SWAP70: variants seen among roughly 807,000 people sequenced by gnomAD.
SWAP70 encodes the protein switching B cell complex subunit SWAP70, also known as switch-associated protein 70.
Under a neutral mutation model 80.2 loss-of-function variants are expected in SWAP70, and 34 were observed. The ratio of observed to expected loss-of-function variants is 0.42; its 90% CI spans 0.32 to 0.56. SWAP70 has a LOEUF of 0.56. SWAP70 is among the 20% of genes least tolerant of loss of function. SWAP70 has a pLI of 0.09. For missense variants in SWAP70, 578 were observed against 690.7 expected, an observed-to-expected ratio of 0.84 and a Z score of 1.83; for synonymous variants, 239 against 238.5, an observed-to-expected ratio of 1.00 and a Z score of -0.02.
chr11:9,742,050 G>C (rs1039244968), intron 9 of SWAP70: 1 of 151,252 alleles, frequency 6.6e-6, no homozygotes, highest in Admixed American at 6.6e-5. Flanking sequence ...CTACAGCCTG[G>C]GGGACAGAAT....
At chr11:9,711,294 C>T (rs887288462) in intron 2 of SWAP70, among the ~76,000 whole-genome samples, 1 of 152,228 alleles carries the variant, frequency 6.6e-6, no homozygotes, top group Admixed American at 6.5e-5. Flanking sequence ...AAAGTCCTAA[C>T]TCCTTAACAT....
intron 3 of SWAP70, chr11:9,720,291 C>G: frequency 6.1e-6 from 6 of 985,328 alleles, no homozygotes; most frequent in Non-Finnish European, 7.2e-6. Flanking sequence ...CTGAGCAGAT[C>G]GAAGCTGGGT....
chr11:9,676,270 A>G (rs569752686), intron 1 of SWAP70, among the ~76,000 whole-genome samples: 230 of 152,346 alleles, frequency 1.5e-3, no homozygotes, highest in African/African-American at 5.3e-3. Context: ...GGTTTTCTTT[A>G]TAGGAAGGTG....
intron 2 of SWAP70, among the ~76,000 whole-genome samples, chr11:9,710,361 C>G (rs1850978917): frequency 6.6e-6 from 1 of 152,110 alleles, no homozygotes. Flanking sequence ...CTGCTGCTTT[C>G]CCTCCATGGG....
chr11:9,685,627 G>C (rs573277475), intron 1 of SWAP70, among the ~76,000 whole-genome samples: 2 of 151,836 alleles, frequency 1.3e-5, no homozygotes, highest in Non-Finnish European at 2.9e-5. Context: ...CCACCTAAAG[G>C]CCTCACCTCT....
In SWAP70 at chr11:9,708,242, A is replaced by T. The variant is rs112642350; in HGVS notation, c.241-5224A>T. 1.7e-3 allele frequency among the ~76,000 whole-genome samples: 260 copies of T among 152,310 alleles called. 3 individuals are homozygous for T. The highest frequency in any genetic ancestry group is 0.01 in the Middle Eastern group (3 of 294). On this transcript the variant is annotated intron_variant, in intron 2 of 11. Transcript: ENST00000318950. ...CACTGTTTTCCATAGCAGCTGCACC[A>T]TTTTACAATCCCACCAACAGTGTGC...
At chr11:9,720,627 C>T in intron 3 of SWAP70, 1 of 361,802 alleles carries the variant, frequency 2.8e-6, no homozygotes. Flanking sequence ...GCTACTAAAA[C>T]TTCGACTTGT....
intron 8 of SWAP70, among the ~76,000 whole-genome samples, chr11:9,739,260 G>T (rs897298506): frequency 6.6e-6 from 1 of 152,238 alleles, no homozygotes; most frequent in Non-Finnish European, 1.5e-5. Flanking sequence ...GTCAGAGAGT[G>T]CTAAGCCCAG....
At chr11:9,705,078 C>G (rs1336947364) in intron 2 of SWAP70, among the ~76,000 whole-genome samples, 1 of 131,968 alleles carries the variant, frequency 7.6e-6, no homozygotes, top group Non-Finnish European at 1.5e-5. Flanking sequence ...CACTGGTGAT[C>G]TGTATGCACT....
chr11:9,683,617 G>A (rs1850595191), intron 1 of SWAP70, among the ~76,000 whole-genome samples: 1 of 152,102 alleles, frequency 6.6e-6, no homozygotes, highest in African/African-American at 2.4e-5. Context: ...GTTACCTGTG[G>A]GGTGGGAGAG....
intron 3 of SWAP70, among the ~76,000 whole-genome samples, chr11:9,718,383 GCTGAATTACCCTC>G (rs57282172): frequency 0.33 from 49,520 of 151,966 alleles, 8,299 homozygotes; most frequent in Non-Finnish European, 0.35. Context: ...TTGTCTAGCT[GCTGAATTACCCTC>G]CTGAGGTTAA....
At chr11:9,711,991 G>C (rs1390682) in intron 2 of SWAP70, among the ~76,000 whole-genome samples, 49,568 of 151,880 alleles carry the variant, frequency 0.33, 8,335 homozygotes, top group Non-Finnish European at 0.35. Flanking sequence ...CTCACATTCT[G>C]TTCTACCTGG....
chr11:9,669,466 G>A (rs535147111), intron 1 of SWAP70, among the ~76,000 whole-genome samples: 5 of 152,310 alleles, frequency 3.3e-5, no homozygotes, highest in East Asian at 1.9e-4. Context: ...CTGACCTCAA[G>A]TGATCCACCT....
chr11:9,693,162 G>A (rs1396784756), intron 1 of SWAP70, among the ~76,000 whole-genome samples: 1 of 152,138 alleles, frequency 6.6e-6, no homozygotes, highest in Non-Finnish European at 1.5e-5. Flanking sequence ...AGAAAAATAA[G>A]GAACGTTTTT....
At chr11:9,706,749 TA>T (rs1290323262) in intron 2 of SWAP70, among the ~76,000 whole-genome samples, 1 of 152,218 alleles carries the variant, frequency 6.6e-6, no homozygotes, top group Non-Finnish European at 1.5e-5. Flanking sequence ...CACTGGACAT[TA>T]TATAATTCTT....
intron 2 of SWAP70, chr11:9,703,328 C>A (rs1850857118): frequency 8.8e-6 from 4 of 455,866 alleles, no homozygotes; most frequent in Admixed American, 4.7e-5. Flanking sequence ...ATATTCAGTT[C>A]ATCAGTTGTT....
intron 3 of SWAP70, among the ~76,000 whole-genome samples, chr11:9,718,731 C>A (rs1183726177): frequency 1.3e-5 from 2 of 152,112 alleles, no homozygotes; most frequent in African/African-American, 2.4e-5. Flanking sequence ...TTCCAATAAT[C>A]CACTTACCGT....
chr11:9,738,361 A>G (rs1168751429), intron 8 of SWAP70, 41 bp downstream of exon 8: 10 of 1,492,886 alleles, frequency 6.7e-6, no homozygotes, highest in Admixed American at 4.1e-5. Context: ...GCAGTAGCTC[A>G]GCCTGGGTCG....
chr11:9,738,386 G>C, intron 8 of SWAP70, 66 bp downstream of exon 8: 2 of 1,219,854 alleles, frequency 1.6e-6, no homozygotes, highest in Non-Finnish European at 2.3e-6. Context: ...GAACAGGGAA[G>C]GGCTGGAGGC....
Sources: gnomAD v4.1 joint callset for allele counts (sites outside exome capture counted in the v4.1 genomes callset) on GRCh38, gnomAD v4.1.1 for gene constraint, MANE v1.5 for transcripts, NCBI Gene and HGNC (gene_info 2026-07-23, HGNC 2026-07-21) for gene names.